Variants in LDB2 observed in about 807,000 individuals in gnomAD.
The protein encoded by LDB2 is LIM domain binding 2.
Under a neutral mutation model 44.3 loss-of-function variants are expected in LDB2, and 12 were observed. The observed-to-expected ratio is 0.27, with a 90% CI of 0.17 to 0.44. LDB2 has a LOEUF of 0.44. Among genes scored for constraint, LDB2 ranks in the 20% least tolerant of loss-of-function variants. LDB2 has a pLI of 1.00. For synonymous variants in LDB2, 164 were observed against 174.8 expected (o/e 0.94, Z 0.49); for missense variants, 344 against 473.5 (o/e 0.73, Z 2.54).
At chr4:16,771,133 A>G (rs1225646847) in intron 1 of LDB2, among the ~76,000 whole-genome samples, 1 of 152,204 alleles carries the variant, frequency 6.6e-6, no homozygotes, top group African/African-American at 2.4e-5. Flanking sequence ...TCAAATGACA[A>G]GAATAATTCT....
At chr4:16,843,763 A>G (rs1286966035) in intron 1 of LDB2, among the ~76,000 whole-genome samples, 2 of 152,058 alleles carry the variant, frequency 1.3e-5, no homozygotes, top group African/African-American at 4.8e-5. Flanking sequence ...CTGGGATTAC[A>G]GACATGTGCC....
rs536288230 is a variant in LDB2 at position 16,754,579 on chromosome 4, G to A, written c.235+4579C>T. ...GTCTCGCTCTGTCACCCAGGCTGGA[G>A]TGCAGTGGCATGATCTTGGTTCACT... On this transcript the variant is annotated intron_variant, in intron 2 of 7. Transcript: ENST00000304523. Among the ~76,000 whole-genome samples, 167 of 150,948 alleles carry A rather than the reference G, an allele frequency of 1.1e-3. 2 individuals are homozygous for A. Among genetic ancestry groups the A allele is most frequent in the Middle Eastern group, 6.8e-3 (2 of 294 alleles).
chr4:16,875,889 T>C lies in LDB2; in HGVS notation c.132+22465A>G, dbSNP rs138204950. On this transcript the variant is annotated intron_variant, in intron 1 of 7. Coordinates refer to ENST00000304523, the MANE Select transcript of LDB2 (RefSeq NM_001290.5). ...TTCCACAAAATACCCTCTATCCTTCTCCTTCCACTCCTATTTGATTCTTAG... is the reference window on the plus strand; with the variant it reads ...TTCCACAAAATACCCTCTATCCTTCCCCTTCCACTCCTATTTGATTCTTAG... Among the ~76,000 whole-genome samples the C allele has an allele frequency of 3.3e-3, 499 of 152,346 alleles. 3 individuals are homozygous for C. The highest frequency in any genetic ancestry group is 0.011 in the African/African-American group (468 of 41,588).
intron 2 of LDB2, among the ~76,000 whole-genome samples, chr4:16,601,237 C>T (rs1045630071): frequency 1.3e-5 from 2 of 152,122 alleles, no homozygotes; most frequent in Non-Finnish European, 2.9e-5. Context: ...AGGTGGGACT[C>T]TAAGCTCTTG....
intron 1 of LDB2, among the ~76,000 whole-genome samples, chr4:16,839,346 G>A (rs931062433): frequency 1.3e-5 from 2 of 152,206 alleles, no homozygotes; most frequent in Non-Finnish European, 2.9e-5. Context: ...GCAAGAGCAA[G>A]GAGTAGGACA....
intron 5 of LDB2, among the ~76,000 whole-genome samples, chr4:16,516,804 G>T (rs765374093): frequency 6.6e-6 from 1 of 151,988 alleles, no homozygotes; most frequent in Non-Finnish European, 1.5e-5. Context: ...TCTTCCCATC[G>T]CTGTAACCCA....
chr4:16,588,866 G>T, intron 3 of LDB2, 34 bp from the exon 4 acceptor site: 1 of 1,605,904 alleles, frequency 6.2e-7, no homozygotes, highest in Non-Finnish European at 8.5e-7. Context: ...CATTCATTAC[G>T]CACTTTGTGA....
intron 5 of LDB2, among the ~76,000 whole-genome samples, chr4:16,527,425 AAAAT>A (rs1728627136): frequency 6.6e-6 from 1 of 152,238 alleles, no homozygotes; most frequent in Admixed American, 6.5e-5. Context: ...AAATAAAAAA[AAAAT>A]AGATGTTGGC....
At chr4:16,717,187 AATG>A (rs1553981649) in intron 2 of LDB2, among the ~76,000 whole-genome samples, 10 of 146,934 alleles carry the variant, frequency 6.8e-5, no homozygotes, top group African/African-American at 2.2e-4. Flanking sequence ...TAATAATAAT[AATG>A]ATGATGAGGA....
chr4:16,620,251 A>T (rs557146156), intron 2 of LDB2, among the ~76,000 whole-genome samples: 96 of 152,324 alleles, frequency 6.3e-4, no homozygotes, highest in Non-Finnish European at 1.2e-3. Context: ...TGGATGACTG[A>T]GCTCACTGGA....
chr4:16,655,185 C>T (rs1044338588), intron 2 of LDB2, among the ~76,000 whole-genome samples: 2 of 152,048 alleles, frequency 1.3e-5, no homozygotes, highest in African/African-American at 2.4e-5. Context: ...GTGGAAGCAC[C>T]GCATTAATAT....
intron 2 of LDB2, among the ~76,000 whole-genome samples, chr4:16,616,569 C>T (rs1317180184): frequency 6.6e-6 from 1 of 151,932 alleles, no homozygotes; most frequent in Non-Finnish European, 1.5e-5. Flanking sequence ...AGTCTCTGGC[C>T]AATAACCCAT....
At chr4:16,787,560 G>T (rs751408755) in intron 1 of LDB2, among the ~76,000 whole-genome samples, 4 of 152,162 alleles carry the variant, frequency 2.6e-5, no homozygotes, top group Non-Finnish European at 5.9e-5. Context: ...GTTGCAGTGA[G>T]CTGTGATCAC....
At chr4:16,738,271 G>C (rs73125879) in intron 2 of LDB2, among the ~76,000 whole-genome samples, 1 of 152,060 alleles carries the variant, frequency 6.6e-6, no homozygotes, top group African/African-American at 2.4e-5. Flanking sequence ...TGGATACACC[G>C]CTGCTCCTCA....
intron 3 of LDB2, 108 bp downstream of exon 3, chr4:16,595,591 GTGTC>G: frequency 1.1e-6 from 1 of 891,772 alleles, no homozygotes; most frequent in South Asian, 1.8e-5. Context: ...GGTGTTGAAA[GTGTC>G]TGGGAGATGA....
chr4:16,541,993 T>A (rs1328281133), intron 5 of LDB2, among the ~76,000 whole-genome samples: 4 of 151,240 alleles, frequency 2.6e-5, no homozygotes, highest in Non-Finnish European at 4.4e-5. Flanking sequence ...TAGAGAAATT[T>A]CTGGCAAGAA....
At chr4:16,580,538 T>C (rs982375013) in intron 5 of LDB2, among the ~76,000 whole-genome samples, 3 of 152,192 alleles carry the variant, frequency 2.0e-5, no homozygotes, top group African/African-American at 7.2e-5. Flanking sequence ...GGCATTCTTG[T>C]AAACATCCCA....
intron 1 of LDB2, among the ~76,000 whole-genome samples, chr4:16,774,440 G>T (rs907633980): frequency 2.6e-5 from 4 of 151,932 alleles, no homozygotes; most frequent in Non-Finnish European, 5.9e-5. Context: ...ATCCTTTTAT[G>T]TCCCAGCAAT....
intron 2 of LDB2, among the ~76,000 whole-genome samples, chr4:16,681,426 G>A (rs1747818277): frequency 6.6e-6 from 1 of 152,102 alleles, no homozygotes; most frequent in East Asian, 1.9e-4. Flanking sequence ...CTGAAACCAT[G>A]ACTTGGGCCT....
Sources: allele counts gnomAD v4.1 joint callset (sites outside exome capture counted in the v4.1 genomes callset), GRCh38; gene constraint gnomAD v4.1.1; transcripts MANE v1.5; gene names NCBI Gene and HGNC (gene_info 2026-07-23, HGNC 2026-07-21).